SNTG1: variants seen among roughly 807,000 people sequenced by gnomAD.
SNTG1 encodes the protein gamma-1-syntrophin.
Under a neutral mutation model 74.7 loss-of-function variants are expected in SNTG1, and 39 were observed. That is an observed-to-expected ratio of 0.52 (90% CI 0.40 to 0.68). The LOEUF (loss-of-function observed/expected upper bound fraction) is 0.68, where lower values mean the gene tolerates loss of function less well. Among genes scored for constraint, SNTG1 ranks in the 30% least tolerant of loss-of-function variants. The probability of loss-of-function intolerance (pLI) is 0.00; values close to 1 mark genes in which losing one functional copy is unlikely to be tolerated. For synonymous variants in SNTG1, 254 were observed against 217.1 expected (o/e 1.17, Z -1.49); for missense variants, 685 against 609.5 (o/e 1.12, Z -1.30).
chr8:50,507,194 T>G (rs2129818395), intron 9 of SNTG1, among the ~76,000 whole-genome samples: 1 of 152,186 alleles, frequency 6.6e-6, no homozygotes, highest in South Asian at 2.1e-4. Context: ...TTGATCATGG[T>G]GTATAATCTT....
intron 1 of SNTG1, among the ~76,000 whole-genome samples, chr8:50,090,525 T>C (rs918489506): frequency 2.0e-5 from 3 of 152,182 alleles, no homozygotes; most frequent in African/African-American, 4.8e-5. Context: ...GAAGTCTTGA[T>C]ACTCATTCTG....
chr8:50,116,729 C>T (rs2080837421), intron 1 of SNTG1, among the ~76,000 whole-genome samples: 1 of 152,098 alleles, frequency 6.6e-6, no homozygotes, highest in Non-Finnish European at 1.5e-5. Context: ...ATTTTAGACT[C>T]ATTTTCCATG....
intron 1 of SNTG1, among the ~76,000 whole-genome samples, chr8:49,964,287 A>G (rs997421364): frequency 7.9e-5 from 12 of 152,226 alleles, no homozygotes; most frequent in African/African-American, 2.7e-4. Flanking sequence ...GTCTTGCCAC[A>G]TACTGCCTTC....
At chr8:49,940,129 G>A (rs1808550315) in intron 1 of SNTG1, among the ~76,000 whole-genome samples, 1 of 152,166 alleles carries the variant, frequency 6.6e-6, no homozygotes, top group African/African-American at 2.4e-5. Flanking sequence ...CCAATACAGA[G>A]AAATTGCACA....
Position 49,942,142 on chromosome 8 carries a change from A to G in SNTG1, c.-103+29911A>G, listed in dbSNP as rs185227711. Among the ~76,000 whole-genome samples the G allele has an allele frequency of 2.9e-3, 444 of 152,300 alleles. 1 individual carries two copies. Among genetic ancestry groups the G allele is most frequent in the Admixed American group, 6.0e-3 (92 of 15,282 alleles). On this transcript the variant is annotated intron_variant, in intron 1 of 18. Transcript: ENST00000642720. Reference sequence around the variant, plus strand: ...TAGAGAGGAGTAAAGGTAATATTGTAAACCTTGCCCACAAAATCTGATAAG... The same window carrying G: ...TAGAGAGGAGTAAAGGTAATATTGTGAACCTTGCCCACAAAATCTGATAAG...
intron 1 of SNTG1, among the ~76,000 whole-genome samples, chr8:50,129,370 A>C (rs1214337982): frequency 6.6e-6 from 1 of 152,150 alleles, no homozygotes; most frequent in Non-Finnish European, 1.5e-5. Context: ...GGTGGAATGC[A>C]GAAGGAGAGG....
chr8:50,672,803 G>A (rs2131353190), intron 15 of SNTG1, among the ~76,000 whole-genome samples: 1 of 152,068 alleles, frequency 6.6e-6, no homozygotes, highest in Admixed American at 6.6e-5. Context: ...TTTCTTCTAG[G>A]GTTTTTATGA....
chr8:49,932,132 T>C (rs1251635323), intron 1 of SNTG1, among the ~76,000 whole-genome samples: 1 of 152,202 alleles, frequency 6.6e-6, no homozygotes, highest in African/African-American at 2.4e-5. Flanking sequence ...ATCCCTTTTG[T>C]GGAAGAGACA....
intron 11 of SNTG1, among the ~76,000 whole-genome samples, chr8:50,538,649 A>G (rs1424231386): frequency 6.6e-6 from 1 of 151,934 alleles, no homozygotes; most frequent in East Asian, 1.9e-4. Flanking sequence ...ATTATGACGT[A>G]TGTTGGCACA....
intron 1 of SNTG1, among the ~76,000 whole-genome samples, chr8:50,059,174 T>C (rs1407609562): frequency 6.6e-6 from 1 of 152,116 alleles, no homozygotes; most frequent in Non-Finnish European, 1.5e-5. Context: ...TTGTTTCTAC[T>C]TTTTGGCTTT....
At chr8:50,696,645 C>T (rs73569494) in intron 15 of SNTG1, among the ~76,000 whole-genome samples, 3,918 of 152,030 alleles carry the variant, frequency 0.026, 172 homozygotes, top group African/African-American at 0.09. Context: ...GTTTCATTTT[C>T]TGCATATGGC....
chr8:49,926,739 G>A (rs1033204307), intron 1 of SNTG1, among the ~76,000 whole-genome samples: 4 of 152,070 alleles, frequency 2.6e-5, no homozygotes, highest in African/African-American at 9.7e-5. Flanking sequence ...TAATTGATAA[G>A]CTAAATTCAT....
chr8:50,558,163 T>G (rs1265511730), intron 12 of SNTG1, among the ~76,000 whole-genome samples: 1 of 152,166 alleles, frequency 6.6e-6, no homozygotes, highest in Non-Finnish European at 1.5e-5. Flanking sequence ...CAAAAACTAA[T>G]TTTTCCAGAA....
chr8:50,538,336 A>G (rs2094322042), intron 11 of SNTG1, among the ~76,000 whole-genome samples: 1 of 152,284 alleles, frequency 6.6e-6, no homozygotes, highest in Middle Eastern at 3.4e-3. Context: ...ACTTAACCCA[A>G]AGTATACCCA....
intron 17 of SNTG1, among the ~76,000 whole-genome samples, chr8:50,739,301 C>T (rs1008444855): frequency 3.9e-5 from 6 of 151,944 alleles, no homozygotes; most frequent in African/African-American, 1.5e-4. Flanking sequence ...AGCCAACAAG[C>T]ATATGAAAAA....
intron 1 of SNTG1, among the ~76,000 whole-genome samples, chr8:50,063,773 C>T (rs1408012721): frequency 6.6e-6 from 1 of 151,708 alleles, no homozygotes; most frequent in Non-Finnish European, 1.5e-5. Flanking sequence ...AATAGCTTAA[C>T]ACTAACTAAA....
chr8:50,033,263 A>T (rs1033215182), intron 1 of SNTG1, among the ~76,000 whole-genome samples: 3 of 151,856 alleles, frequency 2.0e-5, no homozygotes, highest in Admixed American at 2.0e-4. Flanking sequence ...AGCTGGGATT[A>T]CAGGCATGCG....
chr8:50,685,424 T>C (rs887303439), intron 15 of SNTG1, among the ~76,000 whole-genome samples: 2 of 152,194 alleles, frequency 1.3e-5, no homozygotes, highest in Admixed American at 1.3e-4. Flanking sequence ...TGCTAATCTT[T>C]GAATATGTTT....
At chr8:50,676,247 C>T (rs1483017263) in intron 15 of SNTG1, among the ~76,000 whole-genome samples, 1 of 152,010 alleles carries the variant, frequency 6.6e-6, no homozygotes, top group Non-Finnish European at 1.5e-5. Flanking sequence ...TTTCCATTCT[C>T]CCTGTCTCCT....
Sources: gnomAD v4.1 joint callset for allele counts (sites outside exome capture counted in the v4.1 genomes callset) on GRCh38, gnomAD v4.1.1 for gene constraint, MANE v1.5 for transcripts, NCBI Gene and HGNC (gene_info 2026-07-23, HGNC 2026-07-21) for gene names.